DYSF: variants seen among roughly 807,000 people sequenced by gnomAD.
DYSF encodes dysferlin, also known as dystrophy-associated fer-1-like 1.
In DYSF, 212 loss-of-function variants were observed where a neutral mutation model predicts 274.9. That is an observed-to-expected ratio of 0.77 (90% CI 0.69 to 0.86). The LOEUF (loss-of-function observed/expected upper bound fraction) is 0.86, where lower values mean the gene tolerates loss of function less well. Ranked by LOEUF, DYSF falls within the 40% of genes least tolerant of loss-of-function variation. DYSF has a pLI of 0.00. For missense variants in DYSF, 2,666 were observed against 2,783.2 expected, an observed-to-expected ratio of 0.96 and a Z score of 0.95; for synonymous variants, 1,091 against 1,078.7, an observed-to-expected ratio of 1.01 and a Z score of -0.22.
At chr2:71,684,144 T>C (rs1465429780) in intron 55 of DYSF, among the ~76,000 whole-genome samples, 2 of 152,190 alleles carry the variant, frequency 1.3e-5, no homozygotes, top group African/African-American at 4.8e-5. Flanking sequence ...AATCTGACTG[T>C]GGTCCAGGGT....
rs1469853074 is a variant in DYSF, at chr2:71,682,629, C to T, written c.6273C>T (p.Ile2091=). The change falls in exon 55 of 56, where the codon ATC becomes ATT. Residue 2091 remains isoleucine (I), a synonymous_variant. Transcript: ENST00000410020. ...RFRWAIILFI[I]LFILLLFLAI... ...GGTGGGCCATCATCCTCTTCATCAT[C>T]CTCTTCATCCTGCTGCTGTTCCTGG... is the stretch of plus-strand genomic sequence containing the variant. 3 of 1,614,182 alleles carry T rather than the reference C, an allele frequency of 1.9e-6. No homozygotes were observed. Among genetic ancestry groups the T allele is most frequent in the East Asian group, 2.2e-5 (1 of 44,878 alleles).
At chr2:71,498,095 G>C (rs544410079) in intron 3 of DYSF, among the ~76,000 whole-genome samples, 1 of 151,980 alleles carries the variant, frequency 6.6e-6, no homozygotes, top group African/African-American at 2.4e-5. Context: ...GTAAAAACTT[G>C]TTTAGTCCTA....
intron 53 of DYSF, among the ~76,000 whole-genome samples, chr2:71,680,636 C>G (rs1027189846): frequency 6.6e-6 from 1 of 152,080 alleles, no homozygotes; most frequent in African/African-American, 2.4e-5. Flanking sequence ...CATTAAAAAC[C>G]GAACTTTAAA....
rs765781191 is a variant in DYSF at position 71,669,177 on chromosome 2, G to A, written c.5612G>A (p.Gly1871Glu). 4.3e-6 allele frequency: 7 copies of A among 1,610,412 alleles called. No individual in the cohort carries two copies. The highest frequency in any genetic ancestry group is 1.7e-5 in the Admixed American group (1 of 59,510). The change falls in exon 50 of 56, where the codon GGG (glycine) becomes GAG (glutamate). Residue 1871 changes from glycine (G) to glutamate (E), a missense_variant. Physicochemically the swap from Gly to Glu is moderately conservative, Grantham distance 98. Coordinates refer to ENST00000410020, the MANE Select transcript of DYSF (RefSeq NM_001130987.2). The part of the protein sequence containing the change: ...DVILDDLSLT[G>E]EKMSDIYVKG... ...ATCCTGGATGACCTGAGCCTCACGGGGGAGAAGATGAGCGACATTTATGTG... is the reference window on the plus strand; with the variant it reads ...ATCCTGGATGACCTGAGCCTCACGGAGGAGAAGATGAGCGACATTTATGTG...
At chr2:71,558,605 T>C (rs1014914892) in intron 22 of DYSF, among the ~76,000 whole-genome samples, 1 of 152,200 alleles carries the variant, frequency 6.6e-6, no homozygotes, top group African/African-American at 2.4e-5. Flanking sequence ...CTGGAATATC[T>C]GAGACCTGTG....
In DYSF at chr2:71,570,490, GAGTC is replaced by G. The variant is rs2092354416; in HGVS notation, c.3086-105_3086-102del. On this transcript the variant is annotated intron_variant, in intron 28 of 55. Transcript: ENST00000410020. ...ACTCCAAGCTGCAAATTAGGACCGAGAGTCAGTGGCCGCTCAAGAGTCTGTGACC... is the reference window on the plus strand; with the variant it reads ...ACTCCAAGCTGCAAATTAGGACCGAGAGTGGCCGCTCAAGAGTCTGTGACC... 6 of 1,514,744 alleles carry G rather than the reference GAGTC, an allele frequency of 4.0e-6. No individual in the cohort carries two copies. The South Asian group carries it at 5.9e-5, about 15-fold the overall frequency. The allele number at this position is 1,514,744 out of a possible 1,614,324, so 93.8% of individuals were successfully genotyped here.
rs374833260 is a variant in DYSF, at chr2:71,686,567, C to A, written c.*75C>A. The A allele has an allele frequency of 6.4e-7, 1 of 1,569,972 alleles. No homozygotes were observed. The highest frequency in any genetic ancestry group is 1.1e-5 in the South Asian group (1 of 90,170). Reference sequence around the variant, plus strand: ...ACTGGCCTGCCTCCTCCGCCCAGCTCGGCGAGCTCCTCCAGACCTCCTAGG... The same window carrying A: ...ACTGGCCTGCCTCCTCCGCCCAGCTAGGCGAGCTCCTCCAGACCTCCTAGG... On this transcript the variant is annotated 3_prime_UTR_variant, in exon 56 of 56. Coordinates refer to ENST00000410020, the MANE Select transcript of DYSF (RefSeq NM_001130987.2).
At chr2:71,664,590 C>T in intron 46 of DYSF, 152 bp downstream of exon 46, 1 of 885,602 alleles carries the variant, frequency 1.1e-6, no homozygotes. Context: ...GGAGTCCTAT[C>T]CCCACTCCAC....
chr2:71,515,113 C>T (rs544245590), intron 7 of DYSF, among the ~76,000 whole-genome samples: 18 of 152,186 alleles, frequency 1.2e-4, no homozygotes, highest in African/African-American at 3.4e-4. Context: ...GAAGCATAGA[C>T]GTTCTTGAAG....
intron 13 of DYSF, among the ~76,000 whole-genome samples, chr2:71,527,573 T>A (rs1373340854): frequency 7.6e-6 from 1 of 130,982 alleles, no homozygotes; most frequent in African/African-American, 3.1e-5. Context: ...TTGTGTTGAA[T>A]TCCCTGCAAC....
intron 39 of DYSF, among the ~76,000 whole-genome samples, chr2:71,613,107 T>G (rs1434666203): frequency 6.6e-6 from 1 of 150,600 alleles, no homozygotes; most frequent in African/African-American, 2.4e-5. Context: ...AGGAAAGAAA[T>G]GTGAGGAGAG....
intron 1 of DYSF, among the ~76,000 whole-genome samples, chr2:71,480,645 C>T (rs981567067): frequency 6.6e-6 from 1 of 152,148 alleles, no homozygotes; most frequent in Non-Finnish European, 1.5e-5. Context: ...TAAGGAGAGT[C>T]AGCCTGGGTA....
chr2:71,656,062 C>A, intron 42 of DYSF, 100 bp from the exon 43 acceptor site: 1 of 1,428,418 alleles, frequency 7.0e-7, no homozygotes, highest in Non-Finnish European at 9.8e-7. Flanking sequence ...TTCACTCTCA[C>A]ACTGTCATGT....
At chr2:71,543,860 G>A (rs1336802744) in intron 17 of DYSF, among the ~76,000 whole-genome samples, 2 of 143,620 alleles carry the variant, frequency 1.4e-5, no homozygotes, top group African/African-American at 3.0e-5. Context: ...TGGAAAGAGA[G>A]GGAGAGGGAG....
chr2:71,631,408 A>G (rs1030007809), intron 41 of DYSF, among the ~76,000 whole-genome samples: 24 of 152,222 alleles, frequency 1.6e-4, no homozygotes, highest in African/African-American at 5.8e-4. Context: ...TATGTGCTTG[A>G]AAGTAACTGT....
intron 30 of DYSF, among the ~76,000 whole-genome samples, chr2:71,582,719 G>T (rs962977844): frequency 2.6e-5 from 4 of 152,156 alleles, no homozygotes; most frequent in Non-Finnish European, 4.4e-5. Context: ...GATTTCCATG[G>T]TGTAGCTGTT....
Position 71,513,323 on chromosome 2 carries a change from GC to G in DYSF, c.549del (p.Thr184ArgfsTer75). ...DTRYSGKKWP[A>X]PTDTGGEEDT... is the part of the protein sequence containing the mutation. Reference sequence around the variant, plus strand: ...GAGATACTCTGGAAAGAAGTGGCCGGCCCCCACGGGTGAGACACGGGCCAGG... The same window carrying G: ...GAGATACTCTGGAAAGAAGTGGCCGGCCCCACGGGTGAGACACGGGCCAGG... On this transcript the variant is annotated frameshift_variant, in exon 6 of 56. Coordinates refer to ENST00000410020, the MANE Select transcript of DYSF (RefSeq NM_001130987.2). LOFTEE classifies it high-confidence loss of function. The G allele has an allele frequency of 6.4e-7, 1 of 1,551,624 alleles. No individual in the cohort carries two copies. The highest frequency in any genetic ancestry group is 8.7e-7 in the Non-Finnish European group (1 of 1,146,936).
chr2:71,637,741 G>A (rs2152918617), intron 41 of DYSF, among the ~76,000 whole-genome samples: 1 of 152,320 alleles, frequency 6.6e-6, no homozygotes, highest in African/African-American at 2.4e-5. Flanking sequence ...GAGGTGGAAG[G>A]AGTTTAGGAG....
At chr2:71,599,602 G>A (rs1332028409) in intron 33 of DYSF, among the ~76,000 whole-genome samples, 4 of 152,196 alleles carry the variant, frequency 2.6e-5, no homozygotes, top group Non-Finnish European at 4.4e-5. Flanking sequence ...GGCCAGGGGA[G>A]CAGGAGAGTG....
Sources: allele counts gnomAD v4.1 joint callset (sites outside exome capture counted in the v4.1 genomes callset), GRCh38; gene constraint gnomAD v4.1.1; transcripts MANE v1.5; gene names NCBI Gene and HGNC (gene_info 2026-07-23, HGNC 2026-07-21).